The following CDYL variants were observed in gnomAD, a reference collection of about 807,000 sequenced individuals.
CDYL encodes the protein chromodomain Y-like protein.
CDYL carries 8 observed loss-of-function variants against 47.3 expected under a neutral mutation model. The ratio of observed to expected loss-of-function variants is 0.17; its 90% CI spans 0.10 to 0.31. The LOEUF (loss-of-function observed/expected upper bound fraction) is 0.31, where lower values mean the gene tolerates loss of function less well. Among genes scored for constraint, CDYL ranks in the 10% least tolerant of loss-of-function variants. The probability of loss-of-function intolerance (pLI) is 1.00; values close to 1 mark genes in which losing one functional copy is unlikely to be tolerated. For synonymous variants in CDYL, 266 were observed against 265.0 expected, an observed-to-expected ratio of 1.00 and a Z score of -0.04; for missense variants, 471 against 701.4, an observed-to-expected ratio of 0.67 and a Z score of 3.71.
Position 4,910,763 on chromosome 6 carries a change from A to G in CDYL, c.691+18384A>G, listed in dbSNP as rs373094543. Among the ~76,000 whole-genome samples, 8 of 152,302 alleles carry G rather than the reference A, an allele frequency of 5.3e-5. No homozygotes were observed. In the East Asian group the frequency reaches 1.5e-3, roughly 29 times the overall value. On this transcript the variant is annotated intron_variant, in intron 2 of 6. Transcript: ENST00000397588. ...CAGTGTTGGAAGCGATGGTTTGGAT[A>G]GAAGGCATGAAGTGGGTAGTGGAGT...
At chr6:4,842,338 C>T (rs575951363) in intron 1 of CDYL, among the ~76,000 whole-genome samples, 1 of 150,170 alleles carries the variant, frequency 6.7e-6, no homozygotes, top group Admixed American at 6.6e-5. Context: ...GTCTTGATGA[C>T]CTGTCTAGTG....
chr6:4,725,082 GAC>G (rs1199431947), intron 2 of CDYL, among the ~76,000 whole-genome samples: 1 of 152,154 alleles, frequency 6.6e-6, no homozygotes, highest in Admixed American at 6.5e-5. Context: ...AGATTAGCTA[GAC>G]ACAGAGTGTC....
intron 2 of CDYL, among the ~76,000 whole-genome samples, chr6:4,932,007 G>A (rs780522104): frequency 1.8e-4 from 28 of 152,212 alleles, no homozygotes; most frequent in Non-Finnish European, 3.8e-4. Flanking sequence ...TCGGTGGAAG[G>A]AAGCCACCAG....
intron 1 of CDYL, 101 bp from the exon 2 acceptor site, chr6:4,891,612 C>A: frequency 1.2e-6 from 1 of 855,854 alleles, no homozygotes; most frequent in Non-Finnish European, 1.8e-6. Context: ...ATTTTATCAT[C>A]TATTGTGGTT....
chr6:4,920,068 C>T (rs549015222), intron 2 of CDYL, among the ~76,000 whole-genome samples: 73 of 152,250 alleles, frequency 4.8e-4, no homozygotes, highest in African/African-American at 1.6e-3. Flanking sequence ...ATGAACCTTG[C>T]GGACATGGTG....
chr6:4,708,522 G>C (rs1757088139), intron 1 of CDYL, among the ~76,000 whole-genome samples: 1 of 152,000 alleles, frequency 6.6e-6, no homozygotes, highest in Non-Finnish European at 1.5e-5. Flanking sequence ...AAATGCAACT[G>C]TTAATTTTTG....
chr6:4,827,003 C>T (rs76493426), intron 1 of CDYL, among the ~76,000 whole-genome samples: 4,043 of 152,228 alleles, frequency 0.027, 183 homozygotes, highest in African/African-American at 0.092. Context: ...TTGGTGCTTA[C>T]ATGTTTATAA....
At chr6:4,743,406 T>G (rs1757831977) in intron 3 of CDYL, among the ~76,000 whole-genome samples, 1 of 152,196 alleles carries the variant, frequency 6.6e-6, no homozygotes, top group Non-Finnish European at 1.5e-5. Flanking sequence ...CCATCTCTGT[T>G]GGCAGGCAGG....
intron 2 of CDYL, among the ~76,000 whole-genome samples, chr6:4,917,517 G>T (rs575820886): frequency 1.9e-4 from 29 of 152,316 alleles, no homozygotes; most frequent in African/African-American, 7.0e-4. Context: ...GCCTCATTAT[G>T]ATAGCAGTTG....
intron 1 of CDYL, among the ~76,000 whole-genome samples, chr6:4,827,835 A>G (rs1760021572): frequency 6.6e-6 from 1 of 151,952 alleles, no homozygotes; most frequent in South Asian, 2.1e-4. Context: ...TTGGATTTTA[A>G]GTAGAGACGG....
chr6:4,889,983 G>A, intron 1 of CDYL: 1 of 985,358 alleles, frequency 1.0e-6, no homozygotes, highest in South Asian at 4.7e-5. Context: ...GGGGGAACCA[G>A]TGGTACATGG....
chr6:4,905,472 CTT>C, intron 2 of CDYL, among the ~76,000 whole-genome samples: 1 of 152,314 alleles, frequency 6.6e-6, no homozygotes, highest in Middle Eastern at 3.4e-3. Flanking sequence ...ATTTCAGCGT[CTT>C]TTCTGAAGTG....
intron 2 of CDYL, among the ~76,000 whole-genome samples, chr6:4,926,854 C>A (rs1391309808): frequency 6.6e-6 from 1 of 152,016 alleles, no homozygotes; most frequent in Non-Finnish European, 1.5e-5. Context: ...TGGGGATGGG[C>A]AGTGGAAGGA....
intron 1 of CDYL, among the ~76,000 whole-genome samples, chr6:4,807,836 G>A (rs1759416387): frequency 6.6e-6 from 1 of 151,700 alleles, no homozygotes; most frequent in South Asian, 2.1e-4. Flanking sequence ...GAACTCCTTG[G>A]GGTCAAGCGA....
chr6:4,721,678 G>A (rs755120046), intron 2 of CDYL, among the ~76,000 whole-genome samples: 1 of 151,980 alleles, frequency 6.6e-6, no homozygotes, highest in African/African-American at 2.4e-5. Flanking sequence ...ACCATGCCTG[G>A]CCCAGAACTT....
chr6:4,706,216 A>G (rs1757043023), exon 1 of CDYL: 1 of 152,188 alleles, frequency 6.6e-6, no homozygotes, highest in Non-Finnish European at 1.5e-5. Context: ...GTTTCAAACA[A>G]TATCCTGAAG....
intron 1 of CDYL, among the ~76,000 whole-genome samples, chr6:4,871,090 T>G (rs949825593): frequency 1.3e-5 from 2 of 152,232 alleles, no homozygotes; most frequent in African/African-American, 4.8e-5. Flanking sequence ...AGTGTGTGTT[T>G]ATGTGTGTTT....
intron 1 of CDYL, among the ~76,000 whole-genome samples, chr6:4,797,242 T>G (rs1655560054): frequency 6.6e-6 from 1 of 152,190 alleles, no homozygotes; most frequent in Admixed American, 6.5e-5. Flanking sequence ...CATTCTAATC[T>G]GTAATCTTAC....
At chr6:4,720,153 C>T (rs1757341663) in intron 2 of CDYL, among the ~76,000 whole-genome samples, 1 of 152,182 alleles carries the variant, frequency 6.6e-6, no homozygotes, top group Non-Finnish European at 1.5e-5. Flanking sequence ...TTCATGTCCT[C>T]ACATTTCTCT....
Sources: gnomAD v4.1 joint callset for allele counts (sites outside exome capture counted in the v4.1 genomes callset) on GRCh38, gnomAD v4.1.1 for gene constraint, MANE v1.5 for transcripts, NCBI Gene and HGNC (gene_info 2026-07-23, HGNC 2026-07-21) for gene names.